Variants in CPNE9 observed in about 807,000 individuals in gnomAD.
CPNE9 encodes copine family member 9, also known as copine-9.
CPNE9 carries 59 observed loss-of-function variants against 83.0 expected under a neutral mutation model. The observed-to-expected ratio is 0.71, with a 90% CI of 0.58 to 0.88. CPNE9 has a LOEUF of 0.88. CPNE9 is among the 40% of genes least tolerant of loss of function. The probability of loss-of-function intolerance (pLI) is 0.00; values close to 1 mark genes in which losing one functional copy is unlikely to be tolerated. For missense variants in CPNE9, 619 were observed against 720.8 expected (o/e 0.86, Z 1.62); for synonymous variants, 256 against 273.4 (o/e 0.94, Z 0.63).
At chr3:9,716,962 G>A (rs548095384) in intron 14 of CPNE9, 96 bp from the exon 15 acceptor site, 19 of 1,297,826 alleles carry the variant, frequency 1.5e-5, no homozygotes, top group African/African-American at 1.4e-4. Context: ...ATTTTAACAT[G>A]AGCCCCACGT....
chr3:9,704,656 A>G lies in CPNE9; in HGVS notation c.109+29A>G, dbSNP rs778296398. 11 of 1,612,740 alleles carry G rather than the reference A, an allele frequency of 6.8e-6. No individual in the cohort carries two copies. Among genetic ancestry groups the G allele is most frequent in the Non-Finnish European group, 8.5e-6 (10 of 1,178,836 alleles). ...GGCGGCTCCAGGACCGGGAGGGGGA[A>G]CTTGGGGTCTGGGCGCGACTCAGGG... is the stretch of plus-strand genomic sequence containing the variant. On this transcript the variant is annotated intron_variant, in intron 2 of 20. Coordinates refer to ENST00000383832, the MANE Select transcript of CPNE9 (RefSeq NM_153635.3). The surrounding 1 kb of genome is among the most constrained non-coding windows in gnomAD (Gnocchi z 7.1).
chr3:9,715,464 T>TC lies in CPNE9; in HGVS notation c.769-5dup, dbSNP rs1559640884. 6.2e-7 allele frequency: 1 copy of TC among 1,613,522 alleles called. No homozygotes were observed. Among genetic ancestry groups the TC allele is most frequent in the East Asian group, 2.2e-5 (1 of 44,882 alleles). On this transcript the variant is annotated splice_polypyrimidine_tract_variant and intron_variant, in intron 12 of 20. Transcript: ENST00000383832. Reference sequence around the variant, plus strand: ...GTTTCTCATCATCACTGTTACCTCCTCCCCTTAGGTTCTTAACCCTCGGAA... The same window carrying TC: ...GTTTCTCATCATCACTGTTACCTCCTCCCCCTTAGGTTCTTAACCCTCGGAA...
chr3:9,723,970 A>G (rs927683246), intron 17 of CPNE9, among the ~76,000 whole-genome samples: 38 of 152,240 alleles, frequency 2.5e-4, no homozygotes, highest in African/African-American at 9.2e-4. Flanking sequence ...TGTGCAGGCC[A>G]ATATGGTACT....
At chr3:9,727,399 G>T (rs1290005810) in intron 20 of CPNE9, 2 of 719,294 alleles carry the variant, frequency 2.8e-6, no homozygotes. Context: ...AGGTCCCCAA[G>T]GCCCCTGCCC....
chr3:9,715,237 C>T, intron 11 of CPNE9, 52 bp from the exon 12 acceptor site: 3 of 1,578,088 alleles, frequency 1.9e-6, no homozygotes, highest in South Asian at 2.2e-5. Context: ...GGGTTCAGCT[C>T]TGGTTCCAAA....
At chr3:9,712,169 G>A (rs2076636529) in intron 7 of CPNE9, among the ~76,000 whole-genome samples, 2 of 152,134 alleles carry the variant, frequency 1.3e-5, no homozygotes, top group South Asian at 4.1e-4. Flanking sequence ...CACTCATTCA[G>A]ATCTGTTCAC....
At chr3:9,723,470 T>C (rs1266968996) in intron 17 of CPNE9, among the ~76,000 whole-genome samples, 1 of 149,480 alleles carries the variant, frequency 6.7e-6, no homozygotes, top group Non-Finnish European at 1.5e-5. Flanking sequence ...AGACTCTGTC[T>C]CAAAAAAAAA....
At chr3:9,727,312 T>A in intron 20 of CPNE9, 126 bp downstream of exon 20, 1 of 1,034,134 alleles carries the variant, frequency 9.7e-7, no homozygotes, top group Non-Finnish European at 1.5e-6. Flanking sequence ...TTTCATCCTT[T>A]CTCATTCATT....
At chr3:9,705,380 T>C (rs1349144760) in intron 4 of CPNE9, 84 bp from the exon 5 acceptor site, 3 of 1,153,614 alleles carry the variant, frequency 2.6e-6, no homozygotes, top group East Asian at 2.6e-5. Flanking sequence ...CCACCCAAAA[T>C]TTTCACCAAG....
At chr3:9,720,658 T>G (rs1282192598) in intron 17 of CPNE9, among the ~76,000 whole-genome samples, 1 of 152,238 alleles carries the variant, frequency 6.6e-6, no homozygotes, top group East Asian at 1.9e-4. Context: ...AGTCAAATTA[T>G]TATACATATA....
At chr3:9,729,164 T>C (rs1006306567) in intron 20 of CPNE9, among the ~76,000 whole-genome samples, 2 of 152,050 alleles carry the variant, frequency 1.3e-5, no homozygotes, top group Admixed American at 1.3e-4. Context: ...AGAAGAATTA[T>C]GGTCAAATGT....
chr3:9,718,287 A>G (rs2076703527), intron 16 of CPNE9, 77 bp downstream of exon 16: 2 of 1,460,164 alleles, frequency 1.4e-6, no homozygotes, highest in Non-Finnish European at 9.3e-7. Flanking sequence ...TTCTGTTTAC[A>G]TTACTTCAAA....
Position 9,713,013 on chromosome 3 carries a change from C to G in CPNE9, c.584C>G (p.Thr195Arg). The G allele has an allele frequency of 6.2e-7, 1 of 1,614,208 alleles. No individual in the cohort carries two copies. The change falls in exon 10 of 21, where the codon ACG becomes AGG. Residue 195 changes from threonine (T) to arginine (R), a missense_variant. Physicochemically the swap from Thr to Arg is moderately conservative, Grantham distance 71 (BLOSUM62 -1). Coordinates refer to ENST00000383832, the MANE Select transcript of CPNE9 (RefSeq NM_153635.3). ...ICHKTEVVKN[T>R]LNPVWQPFSI... ...CACAAGACAGAGGTTGTGAAAAACA[C>G]GCTGAATCCTGTGTGGCAGCCCTTC...
In CPNE9 at chr3:9,706,073, A is replaced by G; in HGVS notation, c.377+10A>G. 6.2e-7 allele frequency: 1 copy of G among 1,612,842 alleles called. No homozygotes were observed. The highest frequency in any genetic ancestry group is 1.1e-5 in the South Asian group (1 of 91,060). On this transcript the variant is annotated intron_variant, in intron 7 of 20. Transcript: ENST00000383832. ...TAGAGCGAACCCTCACGTAAGCTGAATAGGAAGGGGTGTGGGAGTGGGGTG... is the reference window on the plus strand; with the variant it reads ...TAGAGCGAACCCTCACGTAAGCTGAGTAGGAAGGGGTGTGGGAGTGGGGTG...
rs189321742 is a variant in CPNE9 at position 9,724,964 on chromosome 3, C to T, written c.1242-985C>T. ...TAGAGACAGGGTTTCACCATATTGG[C>T]CAGGCTGGTCTCCAACCCCTGGCCT... On this transcript the variant is annotated intron_variant, in intron 17 of 20. Transcript: ENST00000383832. Among the ~76,000 whole-genome samples, 7 of 152,100 alleles carry T rather than the reference C, an allele frequency of 4.6e-5. 1 individual carries two copies. In the East Asian group the frequency reaches 1.4e-3, roughly 30 times the overall value.
In CPNE9 at chr3:9,722,221, G is replaced by A. The variant is rs950097873; in HGVS notation, c.1241+3619G>A. ...ATTACAGGCATGAGCCACTGTCCCC[G>A]GCCATAAAAATAGGAACTTTTAAAG... On this transcript the variant is annotated intron_variant, in intron 17 of 20. Coordinates refer to ENST00000383832, the MANE Select transcript of CPNE9 (RefSeq NM_153635.3). Among the ~76,000 whole-genome samples the A allele has an allele frequency of 2.2e-4, 30 of 137,162 alleles. 1 individual carries two copies. The highest frequency in any genetic ancestry group is 1.0e-3 in the Admixed American group (13 of 13,056). The allele number at this position is 137,162 out of a possible 152,430, so 90.0% of individuals were successfully genotyped here.
At chr3:9,710,431 T>C (rs377646085) in intron 7 of CPNE9, among the ~76,000 whole-genome samples, 38 of 152,090 alleles carry the variant, frequency 2.5e-4, no homozygotes, top group African/African-American at 8.7e-4. Flanking sequence ...TTTTGTTCAG[T>C]GAGTAGGAAA....
chr3:9,705,549 A>T (rs764712331), intron 5 of CPNE9, 49 bp downstream of exon 5: 11 of 1,600,242 alleles, frequency 6.9e-6, no homozygotes, highest in Non-Finnish European at 9.4e-6. Flanking sequence ...GGAGGCACTT[A>T]GATGTGTTCA....
At chr3:9,716,802 T>C (rs1366207828) in intron 14 of CPNE9, among the ~76,000 whole-genome samples, 2 of 152,196 alleles carry the variant, frequency 1.3e-5, no homozygotes, top group South Asian at 2.1e-4. Flanking sequence ...TTCAGGGCTA[T>C]AGTAAGGGTT....
Sources: allele counts gnomAD v4.1 joint callset (sites outside exome capture counted in the v4.1 genomes callset), GRCh38; gene constraint gnomAD v4.1.1; non-coding constraint Gnocchi (gnomAD v3.1); transcripts MANE v1.5; gene names NCBI Gene and HGNC (gene_info 2026-07-23, HGNC 2026-07-21).